GUF1: variants seen among roughly 807,000 people sequenced by gnomAD.
GUF1 encodes GTP binding elongation factor GUF1, also known as translation factor GUF1, mitochondrial.
In GUF1, 78 loss-of-function variants were observed where a neutral mutation model predicts 82.4. The ratio of observed to expected loss-of-function variants is 0.95; its 90% CI spans 0.79 to 1.14. The LOEUF (loss-of-function observed/expected upper bound fraction) is 1.14, where lower values mean the gene tolerates loss of function less well. GUF1 is among the 50% of genes most tolerant of loss of function. The pLI, the probability that GUF1 is intolerant of heterozygous loss-of-function variation, is 0.00. For missense variants in GUF1, 814 were observed against 798.2 expected (o/e 1.02, Z -0.24); for synonymous variants, 279 against 282.3 (o/e 0.99, Z 0.12).
intron 1 of GUF1, among the ~76,000 whole-genome samples, chr4:44,679,229 T>C (rs1714626699): frequency 6.6e-6 from 1 of 152,192 alleles, no homozygotes; most frequent in African/African-American, 2.4e-5. Flanking sequence ...AAACATCCAG[T>C]GGCTAATTTG....
chr4:44,689,735 A>G, intron 10 of GUF1, 108 bp from the exon 11 acceptor site: 1 of 886,914 alleles, frequency 1.1e-6, no homozygotes. Flanking sequence ...AATTGTTTGA[A>G]TGACTTAATT....
intron 6 of GUF1, among the ~76,000 whole-genome samples, chr4:44,685,267 T>C (rs1714981463): frequency 6.6e-6 from 1 of 152,128 alleles, no homozygotes. Flanking sequence ...ACCAGCATCT[T>C]GTGGGTAAAT....
intron 13 of GUF1, 134 bp from the exon 14 acceptor site, chr4:44,694,278 A>G (rs1441478375): frequency 1.5e-6 from 1 of 646,300 alleles, no homozygotes; most frequent in Non-Finnish European, 2.8e-6. Context: ...CTGTATATGT[A>G]ATATTTTGAT....
chr4:44,686,236 A>G (rs1416849291), intron 7 of GUF1, among the ~76,000 whole-genome samples: 2 of 152,090 alleles, frequency 1.3e-5, no homozygotes, highest in Non-Finnish European at 2.9e-5. Flanking sequence ...AAGATGATTG[A>G]TAGAGGTCTT....
intron 6 of GUF1, among the ~76,000 whole-genome samples, chr4:44,684,871 T>G (rs148762325): frequency 0.012 from 1,876 of 152,268 alleles, 28 homozygotes; most frequent in Middle Eastern, 0.075. Context: ...TGTTGTCAGA[T>G]ACAAGAAACG....
rs749905802 is a variant in GUF1, at chr4:44,697,445, G to T, written c.1872+1G>T. 1 of 1,530,536 alleles carries T rather than the reference G, an allele frequency of 6.5e-7. No individual in the cohort carries two copies. 94.8% of individuals were successfully genotyped at this position (1,530,536 alleles called of 1,614,324 possible). ...TAGGAAAAACGTTTTGGCAAAATGT[G>T]TATGTATCTAGTTGTATTTATTCTA... is the stretch of plus-strand genomic sequence containing the variant. On this transcript the variant is annotated splice_donor_variant, in intron 16 of 16. Coordinates refer to ENST00000281543, the MANE Select transcript of GUF1 (RefSeq NM_021927.3). LOFTEE classifies it high-confidence loss of function.
chr4:44,682,499 A>T, intron 5 of GUF1, 88 bp downstream of exon 5: 1 of 597,982 alleles, frequency 1.7e-6, no homozygotes, highest in Non-Finnish European at 2.8e-6. Flanking sequence ...TCATTATATG[A>T]GGGATCACCA....
rs1226409465 is a variant in GUF1 at position 44,695,722 on chromosome 4, T to C, written c.1823T>C (p.Ile608Thr). The change falls in exon 15 of 17, where the codon ATT (isoleucine) becomes ACT (threonine). Residue 608 changes from isoleucine to threonine, a missense_variant. Physicochemically the swap from Ile to Thr is moderately conservative, Grantham distance 89. Transcript: ENST00000281543. Reference protein sequence around the residue: ...AIQAAIGSKIIARETVKAYRK... With the variant: ...AIQAAIGSKITARETVKAYRK... ...CAAGCTGCTATTGGAAGTAAAATCA[T>C]TGCAAGAGAAACGTGAGTTGAAATT... is the stretch of plus-strand genomic sequence containing the variant. 3 of 1,611,214 alleles carry C rather than the reference T, an allele frequency of 1.9e-6. No homozygotes were observed. The highest frequency in any genetic ancestry group is 1.7e-6 in the Non-Finnish European group (2 of 1,179,208).
chr4:44,689,786 A>AG, intron 10 of GUF1, 57 bp from the exon 11 acceptor site: 3 of 1,431,468 alleles, frequency 2.1e-6, no homozygotes, highest in Non-Finnish European at 1.9e-6. Context: ...ATTAAAAAAA[A>AG]AAAAAATGAA....
chr4:44,686,426 G>GTA lies in GUF1; in HGVS notation c.735-83_735-82dup, dbSNP rs547295223. 4.9e-6 allele frequency: 4 copies of GTA among 810,578 alleles called. No individual in the cohort carries two copies. In the South Asian group the frequency reaches 1.0e-4, roughly 21 times the overall value. 50.2% of individuals were successfully genotyped at this position (810,578 alleles called of 1,614,324 possible). A position where few individuals can be genotyped will look rare whatever the true frequency, so the allele number is the denominator to read the frequency against. The stretch of plus-strand genomic sequence containing the variant: ...GTATCAAACTTTCTCAAGAACTCAA[G>GTA]TACAATATCTAAGTTGAAAATAAGA... On this transcript the variant is annotated intron_variant, in intron 7 of 16. Coordinates refer to ENST00000281543, the MANE Select transcript of GUF1 (RefSeq NM_021927.3).
At position 44,685,978 on chromosome 4, in the gene GUF1, C is replaced by G. The variant is rs757598628; in HGVS notation, c.689C>G (p.Thr230Arg). Reference protein sequence around the residue: ...ECIKISAKLGTNVESVLQAII... With the variant: ...ECIKISAKLGRNVESVLQAII... Reference sequence around the variant, plus strand: ...TTTTAGATTTCTGCTAAACTTGGAACAAATGTTGAGAGTGTTCTTCAGGCA... The same window carrying G: ...TTTTAGATTTCTGCTAAACTTGGAAGAAATGTTGAGAGTGTTCTTCAGGCA... Residue 230 changes from threonine (T) to arginine (R), a missense_variant, in exon 7 of 17, where the codon ACA becomes AGA. Thr to Arg is a moderately conservative substitution (Grantham distance 71). Coordinates refer to ENST00000281543, the MANE Select transcript of GUF1 (RefSeq NM_021927.3). 1.4e-5 allele frequency: 22 copies of G among 1,605,364 alleles called. No homozygotes were observed. Among genetic ancestry groups the G allele is most frequent in the Non-Finnish European group, 1.8e-5 (21 of 1,173,518 alleles).
chr4:44,678,497 T>G lies in GUF1; in HGVS notation c.-126T>G. Reference sequence around the variant, plus strand: ...GGGCAGAGCTCCCCGGGGTTCATTGTCTTCGCTTCACAGGATCTGTTTGAG... The same window carrying G: ...GGGCAGAGCTCCCCGGGGTTCATTGGCTTCGCTTCACAGGATCTGTTTGAG... On this transcript the variant is annotated 5_prime_UTR_variant, in exon 1 of 17. Transcript: ENST00000281543. 1.3e-6 allele frequency: 1 copy of G among 770,236 alleles called. No individual in the cohort carries two copies. Among genetic ancestry groups the G allele is most frequent in the Non-Finnish European group, 1.9e-6 (1 of 540,246 alleles). 47.7% of individuals were successfully genotyped at this position (770,236 alleles called of 1,614,324 possible).
At position 44,697,398 on chromosome 4, in the gene GUF1, T is replaced by TCAG; in HGVS notation, c.1836-9_1836-8insAGC. 6.5e-7 allele frequency: 1 copy of TCAG among 1,546,210 alleles called. No individual in the cohort carries two copies. Among genetic ancestry groups the TCAG allele is most frequent in the Non-Finnish European group, 8.8e-7 (1 of 1,133,838 alleles). ...AATTATGTACTTAAACGAATTTTTC[T>TCAG]CTTTTACAGTGTGAAAGCCTATAGG... is the stretch of plus-strand genomic sequence containing the variant. On this transcript the variant is annotated splice_polypyrimidine_tract_variant and intron_variant, in intron 15 of 16. Transcript: ENST00000281543.
intron 1 of GUF1, among the ~76,000 whole-genome samples, 190 bp downstream of exon 1, chr4:44,678,977 G>C (rs781761162): frequency 6.6e-6 from 1 of 152,180 alleles, no homozygotes; most frequent in African/African-American, 2.4e-5. Context: ...GTGTGACCTT[G>C]GGCAAGTCAC....
Position 44,688,039 on chromosome 4 carries a change from G to A in GUF1, c.971G>A (p.Gly324Glu), listed in dbSNP as rs1263734730. Residue 324 changes from glycine (G) to glutamate (E), a missense_variant, in exon 9 of 17, where the codon GGG becomes GAG. By Grantham distance (98) the Gly-to-Glu change is moderately conservative (BLOSUM62 -2). Coordinates refer to ENST00000281543, the MANE Select transcript of GUF1 (RefSeq NM_021927.3). ...YAGQVGYLIA[G>E]MKDVTEAQIG... ...GGACAGGTGGGCTATCTGATTGCTG[G>A]GATGAAAGATGTCACTGAAGCGCAA... is the stretch of plus-strand genomic sequence containing the variant. The A allele has an allele frequency of 1.2e-6, 2 of 1,612,070 alleles. No homozygotes were observed. The highest frequency in any genetic ancestry group is 1.7e-6 in the Non-Finnish European group (2 of 1,178,584).
chr4:44,688,537 C>T (rs1715213884), intron 9 of GUF1, among the ~76,000 whole-genome samples: 1 of 151,982 alleles, frequency 6.6e-6, no homozygotes, highest in African/African-American at 2.4e-5. Flanking sequence ...TAATATTGTA[C>T]TGTACTAATG....
At chr4:44,690,115 T>G (rs1484921726) in intron 11 of GUF1, 140 bp downstream of exon 11, 7 of 505,524 alleles carry the variant, frequency 1.4e-5, no homozygotes, top group Admixed American at 8.5e-5. Flanking sequence ...ATTTATTGAT[T>G]AGTAGTAATA....
intron 9 of GUF1, 66 bp downstream of exon 9, chr4:44,688,212 G>A: frequency 2.7e-6 from 4 of 1,473,596 alleles, no homozygotes; most frequent in East Asian, 2.4e-5. Flanking sequence ...CTGTCTCAGT[G>A]GTTAAGGAAA....
chr4:44,695,517 TAA>T, intron 14 of GUF1, 96 bp from the exon 15 acceptor site: 1 of 952,476 alleles, frequency 1.0e-6, no homozygotes, highest in South Asian at 1.9e-5. Context: ...TGAACCTCCT[TAA>T]GAGATCACCT....
Sources: allele counts gnomAD v4.1 joint callset (sites outside exome capture counted in the v4.1 genomes callset), GRCh38; gene constraint gnomAD v4.1.1; transcripts MANE v1.5; gene names NCBI Gene and HGNC (gene_info 2026-07-23, HGNC 2026-07-21).